The following MYZAP variants were observed in gnomAD, a reference collection of about 807,000 sequenced individuals.
MYZAP encodes the protein GRINL1A complex locus upstream.
In MYZAP, 66 loss-of-function variants were observed where a neutral mutation model predicts 69.4. That is an observed-to-expected ratio of 0.95 (90% CI 0.78 to 1.17). MYZAP has a LOEUF of 1.17. Among genes scored for constraint, MYZAP ranks in the 50% most tolerant of loss-of-function variants. The pLI is 0.00. For synonymous variants in MYZAP, 256 were observed against 205.9 expected (o/e 1.24, Z -2.09); for missense variants, 611 against 556.2 (o/e 1.10, Z -0.99).
chr15:57,669,891 G>T (rs972472121), intron 11 of MYZAP, among the ~76,000 whole-genome samples: 5 of 151,760 alleles, frequency 3.3e-5, no homozygotes, highest in African/African-American at 4.8e-5. Flanking sequence ...ATTTTTCTTT[G>T]ATTTATGGAT....
intron 11 of MYZAP, among the ~76,000 whole-genome samples, chr15:57,670,165 A>G (rs915207344): frequency 5.9e-5 from 9 of 151,936 alleles, no homozygotes; most frequent in African/African-American, 2.2e-4. Flanking sequence ...TTTTTCTTGG[A>G]TTTTGTGTAA....
intron 11 of MYZAP, among the ~76,000 whole-genome samples, chr15:57,667,395 A>T (rs139807210): frequency 7.2e-5 from 11 of 152,338 alleles, no homozygotes; most frequent in African/African-American, 2.6e-4. Context: ...CGTGAAAGGC[A>T]CATGTGCCTC....
At chr15:57,674,256 C>G (rs545213014) in intron 11 of MYZAP, among the ~76,000 whole-genome samples, 1 of 151,924 alleles carries the variant, frequency 6.6e-6, no homozygotes, top group African/African-American at 2.4e-5. Flanking sequence ...CTTCTTTGTC[C>G]TTCATTTCCC....
At chr15:57,652,300 T>G (rs761466445) in intron 10 of MYZAP, among the ~76,000 whole-genome samples, 8 of 152,228 alleles carry the variant, frequency 5.3e-5, no homozygotes, top group Non-Finnish European at 5.9e-5. Context: ...ATTTTCTTCA[T>G]GCTTATTAAA....
At chr15:57,668,381 G>C (rs2038696511) in intron 11 of MYZAP, among the ~76,000 whole-genome samples, 1 of 152,134 alleles carries the variant, frequency 6.6e-6, no homozygotes. Context: ...AGGGGTTGTA[G>C]TATTTTAATT....
intron 10 of MYZAP, among the ~76,000 whole-genome samples, chr15:57,640,878 A>G (rs540754577): frequency 6.6e-6 from 1 of 152,362 alleles, no homozygotes; most frequent in African/African-American, 2.4e-5. Flanking sequence ...AGGCAGGAGC[A>G]CTGCCCATAA....
chr15:57,660,774 T>C (rs1476986172), intron 10 of MYZAP, among the ~76,000 whole-genome samples: 1 of 152,180 alleles, frequency 6.6e-6, no homozygotes, highest in Non-Finnish European at 1.5e-5. Flanking sequence ...AGGGAAGCTA[T>C]GGTTTGTCTA....
At position 57,607,677 on chromosome 15, in the gene MYZAP, C is replaced by T. The variant is rs543853196; in HGVS notation, c.162+3322C>T. On this transcript the variant is annotated intron_variant, in intron 2 of 12. Coordinates refer to ENST00000267853, the MANE Select transcript of MYZAP (RefSeq NM_001018100.5). ...TACTTCTTACACCAGGTGGACCAGG[C>T]GTGCAGTCTAAGTGCCTATGTGTGG... 5.3e-5 allele frequency among the ~76,000 whole-genome samples: 8 copies of T among 152,272 alleles called. No homozygotes were observed. The South Asian group carries it at 6.2e-4, about 12-fold the overall frequency.
chr15:57,658,152 T>C (rs1157456491), intron 10 of MYZAP, among the ~76,000 whole-genome samples: 1 of 152,226 alleles, frequency 6.6e-6, no homozygotes, highest in Non-Finnish European at 1.5e-5. Flanking sequence ...GAGTAATTGA[T>C]GGAGCCCTCT....
At chr15:57,639,817 A>C (rs1172791613) in intron 10 of MYZAP, among the ~76,000 whole-genome samples, 2 of 152,332 alleles carry the variant, frequency 1.3e-5, no homozygotes, top group South Asian at 4.1e-4. Flanking sequence ...GTGAAAGGAC[A>C]GTGATAGCCT....
At chr15:57,661,111 T>C (rs1346124) in intron 10 of MYZAP, among the ~76,000 whole-genome samples, 102,424 of 152,066 alleles carry the variant, frequency 0.67, 34,684 homozygotes, top group East Asian at 0.86. Flanking sequence ...GAAGATCTTC[T>C]GGCTGTTTTA....
intron 11 of MYZAP, among the ~76,000 whole-genome samples, chr15:57,666,334 G>A (rs1348457746): frequency 2.0e-5 from 3 of 152,136 alleles, no homozygotes; most frequent in Non-Finnish European, 2.9e-5. Flanking sequence ...CCTGATCCTG[G>A]GCTCGGAGAA....
At chr15:57,674,147 T>C (rs903600120) in intron 11 of MYZAP, among the ~76,000 whole-genome samples, 18 of 152,212 alleles carry the variant, frequency 1.2e-4, no homozygotes, top group Non-Finnish European at 2.4e-4. Flanking sequence ...TATTTTTTTT[T>C]TGGCATTTTT....
At chr15:57,664,547 C>G (rs571866522) in intron 11 of MYZAP, among the ~76,000 whole-genome samples, 1 of 152,338 alleles carries the variant, frequency 6.6e-6, no homozygotes, top group Non-Finnish European at 1.5e-5. Flanking sequence ...CTTGATTGCT[C>G]TACGGCACGG....
intron 10 of MYZAP, among the ~76,000 whole-genome samples, chr15:57,655,690 A>T (rs2140522876): frequency 6.6e-6 from 1 of 152,264 alleles, no homozygotes; most frequent in African/African-American, 2.4e-5. Context: ...ATTCTAAGAG[A>T]CTAACATCCT....
intron 10 of MYZAP, among the ~76,000 whole-genome samples, chr15:57,653,475 A>C (rs749237856): frequency 1.3e-5 from 2 of 152,222 alleles, no homozygotes; most frequent in Non-Finnish European, 2.9e-5. Flanking sequence ...ATGTCAAATA[A>C]ATGTTCAAAT....
At chr15:57,618,867 A>T (rs1295429686) in intron 3 of MYZAP, among the ~76,000 whole-genome samples, 1 of 152,098 alleles carries the variant, frequency 6.6e-6, no homozygotes. Context: ...CACCCAGCTT[A>T]TATGGAAGAG....
At chr15:57,619,208 T>A (rs1288609721) in intron 3 of MYZAP, among the ~76,000 whole-genome samples, 2 of 152,226 alleles carry the variant, frequency 1.3e-5, no homozygotes, top group Non-Finnish European at 2.9e-5. Context: ...GGAACATTTC[T>A]TGTTGAATTT....
chr15:57,659,720 C>T (rs1018389644), intron 10 of MYZAP, among the ~76,000 whole-genome samples: 4 of 152,174 alleles, frequency 2.6e-5, no homozygotes, highest in Non-Finnish European at 5.9e-5. Flanking sequence ...ATCGTTTCTT[C>T]AATTCAGTTT....
Sources: allele counts gnomAD v4.1 joint callset (sites outside exome capture counted in the v4.1 genomes callset), GRCh38; gene constraint gnomAD v4.1.1; transcripts MANE v1.5; gene names NCBI Gene and HGNC (gene_info 2026-07-23, HGNC 2026-07-21).